NAALADL2: variants seen among roughly 807,000 people sequenced by gnomAD.
The protein encoded by NAALADL2 is N-acetylated alpha-linked acidic dipeptidase like 2, also known as inactive N-acetylated-alpha-linked acidic dipeptidase-like protein 2.
Under a neutral mutation model 87.2 loss-of-function variants are expected in NAALADL2, and 76 were observed. The ratio of observed to expected loss-of-function variants is 0.87; its 90% CI spans 0.72 to 1.05. The LOEUF (loss-of-function observed/expected upper bound fraction) is 1.05, where lower values mean the gene tolerates loss of function less well. Ranked by LOEUF, NAALADL2 falls within the 50% of genes least tolerant of loss-of-function variation. The pLI is 0.00. For synonymous variants in NAALADL2, 354 were observed against 331.0 expected (o/e 1.07, Z -0.75); for missense variants, 1,089 against 945.8 (o/e 1.15, Z -1.99).
intron 3 of NAALADL2, among the ~76,000 whole-genome samples, chr3:174,763,065 G>C (rs1713257995): frequency 6.6e-6 from 1 of 151,906 alleles, no homozygotes; most frequent in African/African-American, 2.4e-5. Flanking sequence ...CAGTTACTTT[G>C]CTCCTAGTTG....
rs939993318 is a variant in NAALADL2 at position 175,436,569 on chromosome 3, A to G, written c.1091-10660A>G. Reference sequence around the variant, plus strand: ...TAACTGGTGTGAGATGGTATCTTATAGTGGTTTTGATTTGCATTTCTCTGA... The same window carrying G: ...TAACTGGTGTGAGATGGTATCTTATGGTGGTTTTGATTTGCATTTCTCTGA... On this transcript the variant is annotated intron_variant, in intron 5 of 13. Coordinates refer to ENST00000454872, the MANE Select transcript of NAALADL2 (RefSeq NM_207015.3). 1.1e-4 allele frequency among the ~76,000 whole-genome samples: 16 copies of G among 146,534 alleles called. 1 individual carries two copies. Among genetic ancestry groups the G allele is most frequent in the African/African-American group, 3.7e-4 (14 of 38,270 alleles).
chr3:174,767,563 A>G (rs1355943606), intron 3 of NAALADL2, among the ~76,000 whole-genome samples: 1 of 152,052 alleles, frequency 6.6e-6, no homozygotes. Context: ...TGATGTTATG[A>G]CGCTCACAGG....
chr3:175,546,968 A>C (rs1713444155), intron 9 of NAALADL2, among the ~76,000 whole-genome samples: 1 of 152,192 alleles, frequency 6.6e-6, no homozygotes, highest in African/African-American at 2.4e-5. Context: ...AGGAGGAGTC[A>C]ATATCATTAA....
chr3:175,447,886 C>G (rs1301024166), intron 6 of NAALADL2, among the ~76,000 whole-genome samples: 2 of 152,170 alleles, frequency 1.3e-5, no homozygotes, highest in Non-Finnish European at 1.5e-5. Context: ...TAGGATGAAA[C>G]TGAAGTAGTT....
At chr3:175,192,960 T>A (rs1483660875) in intron 2 of NAALADL2, among the ~76,000 whole-genome samples, 4 of 151,992 alleles carry the variant, frequency 2.6e-5, no homozygotes, top group Non-Finnish European at 5.9e-5. Flanking sequence ...TTATGCTTTT[T>A]TTTTTCAGAT....
intron 2 of NAALADL2, among the ~76,000 whole-genome samples, chr3:174,678,602 G>C (rs990297838): frequency 2.0e-4 from 31 of 152,034 alleles, no homozygotes; most frequent in African/African-American, 7.5e-4. Context: ...AAACATTTGA[G>C]TACTTTTCCA....
intron 11 of NAALADL2, among the ~76,000 whole-genome samples, chr3:175,730,709 A>C (rs1462123756): frequency 1.3e-5 from 2 of 151,830 alleles, no homozygotes; most frequent in East Asian, 3.9e-4. Flanking sequence ...TTTCAACACA[A>C]TGATCCTTTT....
intron 3 of NAALADL2, among the ~76,000 whole-genome samples, chr3:175,237,833 G>A (rs977144166): frequency 6.6e-6 from 1 of 151,956 alleles, no homozygotes; most frequent in African/African-American, 2.4e-5. Flanking sequence ...GGGACAATTG[G>A]GATAAGATAG....
chr3:175,731,982 T>C (rs1349395679), intron 11 of NAALADL2, among the ~76,000 whole-genome samples: 1 of 152,202 alleles, frequency 6.6e-6, no homozygotes, highest in African/African-American at 2.4e-5. Flanking sequence ...TTAAAAATCC[T>C]TTTTATAAAT....
intron 1 of NAALADL2, among the ~76,000 whole-genome samples, chr3:174,463,332 A>C (rs746554022): frequency 9.2e-4 from 140 of 152,238 alleles, no homozygotes; most frequent in Admixed American, 2.0e-3. Context: ...GAACAGTGAG[A>C]GAAAATGATA....
intron 11 of NAALADL2, among the ~76,000 whole-genome samples, chr3:175,686,191 A>G (rs1271884294): frequency 1.3e-5 from 2 of 152,220 alleles, no homozygotes; most frequent in Non-Finnish European, 2.9e-5. Flanking sequence ...TGGAGATTAG[A>G]TGATGTCTAA....
At chr3:175,449,582 A>T (rs1404482836) in intron 6 of NAALADL2, among the ~76,000 whole-genome samples, 1 of 151,578 alleles carries the variant, frequency 6.6e-6, no homozygotes, top group Admixed American at 6.6e-5. Context: ...TTCAGTAGAG[A>T]CGGGGTCTCA....
chr3:175,500,453 T>A (rs901191803), intron 9 of NAALADL2, among the ~76,000 whole-genome samples: 2 of 151,702 alleles, frequency 1.3e-5, no homozygotes, highest in African/African-American at 4.8e-5. Context: ...GAGAGGTTTG[T>A]TTGCTTAGGG....
At chr3:175,625,684 C>T (rs1168909528) in intron 10 of NAALADL2, among the ~76,000 whole-genome samples, 1 of 151,814 alleles carries the variant, frequency 6.6e-6, no homozygotes, top group Non-Finnish European at 1.5e-5. Context: ...AAGTGTCGGC[C>T]GTAGCCTCAA....
intron 7 of NAALADL2, among the ~76,000 whole-genome samples, chr3:175,464,759 C>T (rs59132078): frequency 0.044 from 6,720 of 152,154 alleles, 363 homozygotes; most frequent in East Asian, 0.14. Flanking sequence ...TTATTTTCTC[C>T]GATTTCTTTA....
At chr3:175,437,472 C>T (rs1373837742) in intron 5 of NAALADL2, among the ~76,000 whole-genome samples, 2 of 138,528 alleles carry the variant, frequency 1.4e-5, no homozygotes, top group East Asian at 4.2e-4. Flanking sequence ...AATGGAAGAA[C>T]ATTCCATGCT....
intron 12 of NAALADL2, among the ~76,000 whole-genome samples, chr3:175,741,211 A>G (rs1221398807): frequency 2.6e-5 from 4 of 152,168 alleles, no homozygotes; most frequent in Admixed American, 2.0e-4. Flanking sequence ...TCCAAGATCA[A>G]AGCATCAGCA....
At chr3:174,985,092 G>A (rs1745675967) in intron 1 of NAALADL2, among the ~76,000 whole-genome samples, 1 of 152,126 alleles carries the variant, frequency 6.6e-6, no homozygotes, top group Non-Finnish European at 1.5e-5. Flanking sequence ...ATACAGATGT[G>A]TCCTGACATC....
chr3:174,531,582 G>A (rs1721246598), intron 1 of NAALADL2, among the ~76,000 whole-genome samples: 1 of 152,204 alleles, frequency 6.6e-6, no homozygotes, highest in East Asian at 1.9e-4. Context: ...TCATTTACAG[G>A]TAAGTGTAGT....
Sources: allele counts gnomAD v4.1 joint callset (sites outside exome capture counted in the v4.1 genomes callset), GRCh38; gene constraint gnomAD v4.1.1; transcripts MANE v1.5; gene names NCBI Gene and HGNC (gene_info 2026-07-23, HGNC 2026-07-21).